Variants in LRRC49 observed in about 807,000 individuals in gnomAD.
LRRC49 encodes leucine rich repeat containing 49.
In LRRC49, 50 loss-of-function variants were observed where a neutral mutation model predicts 83.3. The ratio of observed to expected loss-of-function variants is 0.60; its 90% confidence interval spans 0.48 to 0.76. The LOEUF (loss-of-function observed/expected upper bound fraction) is 0.76, where lower values mean the gene tolerates loss of function less well. LRRC49 is among the 30% of genes least tolerant of loss of function. The pLI, the probability that LRRC49 is intolerant of heterozygous loss-of-function variation, is 0.00. For missense variants in LRRC49, 704 were observed against 809.1 expected (o/e 0.87, Z 1.58); for synonymous variants, 286 against 283.3 (o/e 1.01, Z -0.10).
chr15:70,898,790 G>T, intron 3 of LRRC49, among the ~76,000 whole-genome samples: 1 of 151,544 alleles, frequency 6.6e-6, no homozygotes, highest in East Asian at 1.9e-4. Flanking sequence ...GTCTCAAAAA[G>T]AAAGAAAGAA....
intron 3 of LRRC49, chr15:70,898,581 A>C: frequency 1.9e-6 from 1 of 521,240 alleles, no homozygotes; most frequent in East Asian, 3.1e-5. Context: ...TCAAGACCCC[A>C]TCTTGAACAT....
Position 71,015,544 on chromosome 15 carries a change from G to C in LRRC49, c.1703+2631G>C, listed in dbSNP as rs111756712. The stretch of plus-strand genomic sequence containing the variant: ...CCCGCAGTTCACCACCTGCTATGTG[G>C]CCCGGTTCCTAACAGCCATGGACAG... On this transcript the variant is annotated intron_variant, in intron 14 of 15. Coordinates refer to ENST00000260382, the MANE Select transcript of LRRC49 (RefSeq NM_017691.5). Among the ~76,000 whole-genome samples the C allele has an allele frequency of 9.0e-3, 1,363 of 152,248 alleles. 13 individuals carry two copies. The highest frequency in any genetic ancestry group is 0.014 in the Non-Finnish European group (950 of 68,012).
chr15:71,030,229 C>A (rs1016757822), intron 14 of LRRC49, among the ~76,000 whole-genome samples: 5 of 152,090 alleles, frequency 3.3e-5, no homozygotes, highest in African/African-American at 1.2e-4. Context: ...TGACAAAATC[C>A]CTTAGCATTT....
intron 3 of LRRC49, chr15:70,900,631 A>G: frequency 2.1e-6 from 1 of 472,958 alleles, no homozygotes. Flanking sequence ...ATTTAAGACA[A>G]GGAGTCAGGA....
upstream of LRRC49, chr15:70,892,152 G>C (rs201730851): frequency 3.1e-6 from 5 of 1,613,134 alleles, no homozygotes; most frequent in Middle Eastern, 3.3e-4. Context: ...CAGTCGGCGC[G>C]GCAACCCCGC....
chr15:70,962,854 G>A (rs2036652377), intron 8 of LRRC49, among the ~76,000 whole-genome samples: 1 of 152,080 alleles, frequency 6.6e-6, no homozygotes, highest in African/African-American at 2.4e-5. Context: ...AAATAGTTGA[G>A]TATGAAAAGG....
intron 14 of LRRC49, among the ~76,000 whole-genome samples, chr15:71,016,789 A>G (rs1443325711): frequency 6.6e-6 from 1 of 152,158 alleles, no homozygotes; most frequent in African/African-American, 2.4e-5. Flanking sequence ...ACCTTATAAA[A>G]AGTAACTCTG....
chr15:70,963,812 C>T lies in LRRC49; in HGVS notation c.801C>T (p.Asp267=), dbSNP rs969023185. The T allele has an allele frequency of 6.8e-6, 11 of 1,613,358 alleles. No individual in the cohort carries two copies. The African/African-American group carries it at 9.3e-5, about 14-fold the overall frequency. ...SSFDSVSCLA[D]SSSLSDITFD... ...TTGACAGTGTTTCCTGCCTTGCTGA[C>T]TCTTCTTCCCTCTCGGACATCACCT... Residue 267 remains aspartate (D), a synonymous_variant, in exon 9 of 16, where the codon GAC becomes GAT. Coordinates refer to ENST00000260382, the MANE Select transcript of LRRC49 (RefSeq NM_017691.5).
chr15:71,012,746 T>C (rs2038693969), intron 13 of LRRC49, 58 bp from the exon 14 acceptor site: 1 of 931,612 alleles, frequency 1.1e-6, no homozygotes, highest in Non-Finnish European at 1.7e-6. Flanking sequence ...ATTATATCAG[T>C]TTTATTCAGC....
At chr15:71,010,028 T>C (rs1467214551) in intron 13 of LRRC49, 36 bp downstream of exon 13, 1 of 1,270,960 alleles carries the variant, frequency 7.9e-7, no homozygotes, top group Non-Finnish European at 1.1e-6. Context: ...AGAATAAAAA[T>C]ATTCCTTCTT....
intron 2 of LRRC49, among the ~76,000 whole-genome samples, chr15:70,875,230 T>G (rs1197267601): frequency 6.6e-6 from 1 of 152,164 alleles, no homozygotes; most frequent in Non-Finnish European, 1.5e-5. Context: ...GCTCAGCAAC[T>G]CCATCTAGTG....
chr15:71,007,683 C>G (rs2038502458), intron 11 of LRRC49, among the ~76,000 whole-genome samples: 1 of 141,292 alleles, frequency 7.1e-6, no homozygotes, highest in Non-Finnish European at 1.5e-5. Context: ...TAATAATTAC[C>G]AAATTCAGTG....
chr15:70,895,553 C>T lies in LRRC49; in HGVS notation c.106-296C>T, dbSNP rs184079173. On this transcript the variant is annotated intron_variant, in intron 2 of 15. Transcript: ENST00000260382. ...ACAATGATAGAGGTGCAGCCATCAC[C>T]TCTATCTAGTTCCAGAATTTTTTCA... 78 of 227,974 alleles carry T rather than the reference C, an allele frequency of 3.4e-4. No homozygotes were observed. The East Asian group carries it at 7.7e-3, about 23-fold the overall frequency. 14.1% of individuals were successfully genotyped at this position (227,974 alleles called of 1,614,324 possible). A position where few individuals can be genotyped will look rare whatever the true frequency, so the allele number is the denominator to read the frequency against.
intron 11 of LRRC49, among the ~76,000 whole-genome samples, chr15:71,000,510 C>T (rs933161700): frequency 5.9e-5 from 9 of 152,060 alleles, no homozygotes; most frequent in Admixed American, 2.0e-4. Flanking sequence ...TCTCCTTTTC[C>T]GCTTCCTAAG....
At chr15:71,045,496 C>T (rs1296458633) in intron 15 of LRRC49, among the ~76,000 whole-genome samples, 1 of 152,066 alleles carries the variant, frequency 6.6e-6, no homozygotes, top group Non-Finnish European at 1.5e-5. Context: ...AATTGAGATT[C>T]AGTATTCTAC....
chr15:70,900,272 A>G (rs2034014282), intron 3 of LRRC49: 2 of 359,502 alleles, frequency 5.6e-6, no homozygotes, highest in Non-Finnish European at 1.1e-5. Flanking sequence ...GAGGGGTGTC[A>G]TATACTTTGT....
At chr15:71,016,591 A>C (rs1328000682) in intron 14 of LRRC49, among the ~76,000 whole-genome samples, 1 of 152,098 alleles carries the variant, frequency 6.6e-6, no homozygotes, top group African/African-American at 2.4e-5. Flanking sequence ...CTGACGCTCC[A>C]GAAAATCCAA....
Position 71,004,575 on chromosome 15 carries a change from G to A in LRRC49, c.1170-3804G>A, listed in dbSNP as rs144499452. Among the ~76,000 whole-genome samples the A allele has an allele frequency of 7.2e-3, 1,101 of 151,916 alleles. 13 individuals are homozygous for A. Among genetic ancestry groups the A allele is most frequent in the African/African-American group, 0.026 (1,059 of 41,402 alleles). ...TGAGACACAAGAATCTCTTGAATCCGGGAGGCGGAGGTTGCAGTGGGCTGA... is the reference window on the plus strand; with the variant it reads ...TGAGACACAAGAATCTCTTGAATCCAGGAGGCGGAGGTTGCAGTGGGCTGA... On this transcript the variant is annotated intron_variant, in intron 11 of 15. Transcript: ENST00000260382.
intron 6 of LRRC49, among the ~76,000 whole-genome samples, chr15:70,915,109 A>G (rs1471226424): frequency 6.6e-6 from 1 of 152,160 alleles, no homozygotes; most frequent in Non-Finnish European, 1.5e-5. Flanking sequence ...TGAAGCTTCT[A>G]TTATCTGCTT....
Sources: gnomAD v4.1 joint callset for allele counts (sites outside exome capture counted in the v4.1 genomes callset) on GRCh38, gnomAD v4.1.1 for gene constraint, MANE v1.5 for transcripts, NCBI Gene and HGNC (gene_info 2026-07-23, HGNC 2026-07-21) for gene names.